Variants in ROCK1 observed in about 807,000 individuals in gnomAD.
The protein encoded by ROCK1 is Rho associated coiled-coil containing protein kinase 1.
ROCK1 carries 36 observed loss-of-function variants against 196.8 expected under a neutral mutation model. The ratio of observed to expected loss-of-function variants is 0.18; its 90% confidence interval spans 0.14 to 0.24. The LOEUF (loss-of-function observed/expected upper bound fraction) is 0.24. Among genes scored for constraint, ROCK1 ranks in the 10% least tolerant of loss-of-function variants. The probability of loss-of-function intolerance (pLI) is 1.00; values close to 1 mark genes in which losing one functional copy is unlikely to be tolerated. For missense variants in ROCK1, 920 were observed against 1,562.0 expected (o/e 0.59, Z 6.93); for synonymous variants, 443 against 515.9 (o/e 0.86, Z 1.91).
At chr18:21,009,320 GT>G (rs1254074734) in intron 13 of ROCK1, among the ~76,000 whole-genome samples, 451 of 140,718 alleles carry the variant, frequency 3.2e-3, no homozygotes, top group East Asian at 3.1e-3. Flanking sequence ...GCCAAGACAG[GT>G]TTTTTTTTTT....
intron 2 of ROCK1, among the ~76,000 whole-genome samples, chr18:21,065,660 A>G (rs1032052326): frequency 6.6e-6 from 1 of 152,176 alleles, no homozygotes; most frequent in Non-Finnish European, 1.5e-5. Context: ...AACTCCCACA[A>G]CAATCGCTTA....
chr18:21,027,127 C>A lies in ROCK1; in HGVS notation c.1211+1649G>T, dbSNP rs193069202. 1.4e-3 allele frequency among the ~76,000 whole-genome samples: 212 copies of A among 152,046 alleles called. 1 individual carries two copies. Among genetic ancestry groups the A allele is most frequent in the Non-Finnish European group, 3.8e-4 (26 of 67,966 alleles). ...CTAATTTTTGTATTTTTAGTAGAGA[C>A]GGGGTTTCACCACATTGGCCAGGCT... On this transcript the variant is annotated intron_variant, in intron 10 of 32. Coordinates refer to ENST00000399799, the MANE Select transcript of ROCK1 (RefSeq NM_005406.3).
intron 1 of ROCK1, among the ~76,000 whole-genome samples, chr18:21,088,250 T>G (rs1409111895): frequency 1.3e-5 from 2 of 152,188 alleles, no homozygotes; most frequent in African/African-American, 2.4e-5. Flanking sequence ...TCCTAATACT[T>G]TGGGAGGCTG....
chr18:21,007,930 C>T (rs2143440136), intron 14 of ROCK1, 129 bp downstream of exon 14: 1 of 426,934 alleles, frequency 2.3e-6, no homozygotes, highest in Non-Finnish European at 3.9e-6. Context: ...TAACCTGAGA[C>T]CTGGGTTATT....
chr18:21,044,032 C>T, intron 6 of ROCK1, 70 bp downstream of exon 6: 1 of 933,314 alleles, frequency 1.1e-6, no homozygotes, highest in Non-Finnish European at 1.7e-6. Flanking sequence ...CTAAAGAATT[C>T]TTAAACCATT....
At position 20,951,037 on chromosome 18, in the gene ROCK1, C is replaced by T. The variant is rs1471493007; in HGVS notation, c.*347G>A. The T allele has an allele frequency of 4.9e-6, 1 of 206,088 alleles. No individual in the cohort carries two copies. The highest frequency in any genetic ancestry group is 2.3e-5 in the African/African-American group (1 of 43,526). 12.8% of individuals were successfully genotyped at this position (206,088 alleles called of 1,614,324 possible). A position where few individuals can be genotyped will look rare whatever the true frequency, so the allele number is the denominator to read the frequency against. ...CTGTTCCACTTGAAAGTGAAAGTCC[C>T]TTCCTCTTACTCATATGAGGAAAAC... On this transcript the variant is annotated 3_prime_UTR_variant, in exon 33 of 33. Coordinates refer to ENST00000399799, the MANE Select transcript of ROCK1 (RefSeq NM_005406.3).
At chr18:21,062,743 G>A (rs2036302396) in intron 2 of ROCK1, among the ~76,000 whole-genome samples, 2 of 152,092 alleles carry the variant, frequency 1.3e-5, no homozygotes, top group Non-Finnish European at 2.9e-5. Context: ...CACCAGTGAT[G>A]TGCCTAGATT....
chr18:20,962,758 A>T (rs995396376), intron 27 of ROCK1, among the ~76,000 whole-genome samples: 12 of 152,174 alleles, frequency 7.9e-5, no homozygotes, highest in African/African-American at 2.7e-4. Flanking sequence ...GGTGTCAAGA[A>T]TATGTGAAGG....
At chr18:21,010,427 G>A (rs1490987648) in intron 13 of ROCK1, among the ~76,000 whole-genome samples, 4 of 152,168 alleles carry the variant, frequency 2.6e-5, no homozygotes, top group East Asian at 1.9e-4. Context: ...TAAAGATAAA[G>A]AGCCATAACA....
chr18:21,065,605 C>T (rs1384589102), intron 2 of ROCK1, among the ~76,000 whole-genome samples: 1 of 152,092 alleles, frequency 6.6e-6, no homozygotes. Flanking sequence ...TCCCTTCATC[C>T]TCCCAATGTT....
At chr18:20,992,230 T>C (rs1427489030) in intron 17 of ROCK1, among the ~76,000 whole-genome samples, 2 of 152,222 alleles carry the variant, frequency 1.3e-5, no homozygotes, top group East Asian at 3.9e-4. Flanking sequence ...AAGGACAAGA[T>C]AAGTAGTGGC....
At chr18:21,079,882 T>C (rs2036468374) in intron 1 of ROCK1, among the ~76,000 whole-genome samples, 1 of 152,152 alleles carries the variant, frequency 6.6e-6, no homozygotes, top group African/African-American at 2.4e-5. Flanking sequence ...CCAGGCCAGG[T>C]TTACGAAGAG....
intron 9 of ROCK1, among the ~76,000 whole-genome samples, chr18:21,035,252 T>TA (rs2036046725): frequency 6.6e-6 from 1 of 152,176 alleles, no homozygotes; most frequent in Non-Finnish European, 1.5e-5. Context: ...TCAAAAAAAT[T>TA]AAACATATGG....
intron 2 of ROCK1, among the ~76,000 whole-genome samples, chr18:21,053,205 C>T (rs2036218351): frequency 6.6e-6 from 1 of 152,184 alleles, no homozygotes; most frequent in South Asian, 2.1e-4. Context: ...TGCAATCACA[C>T]ACCATCAGTG....
At chr18:21,030,126 G>A (rs923248421) in intron 9 of ROCK1, among the ~76,000 whole-genome samples, 1 of 152,106 alleles carries the variant, frequency 6.6e-6, no homozygotes, top group African/African-American at 2.4e-5. Context: ...TTCCTTAATG[G>A]CCAACAGAAC....
rs149936278 is a variant in ROCK1 at position 21,099,012 on chromosome 18, G to A, written c.93+11806C>T. On this transcript the variant is annotated intron_variant, in intron 1 of 32. Transcript: ENST00000399799. ...ATGTAAAATAGCACAACTCTTAGGAGAGGGAGAATATTTTAACAGTGAGCA... is the reference window on the plus strand; with the variant it reads ...ATGTAAAATAGCACAACTCTTAGGAAAGGGAGAATATTTTAACAGTGAGCA... 6.4e-3 allele frequency among the ~76,000 whole-genome samples: 972 copies of A among 152,282 alleles called. 8 individuals are homozygous for A. Among genetic ancestry groups the A allele is most frequent in the Middle Eastern group, 0.01 (3 of 294 alleles).
chr18:20,992,310 G>A (rs1383672569), intron 17 of ROCK1, among the ~76,000 whole-genome samples: 1 of 152,190 alleles, frequency 6.6e-6, no homozygotes, highest in African/African-American at 2.4e-5. Flanking sequence ...AGTGACAGCT[G>A]TATCTCTATA....
At chr18:21,081,300 T>C (rs2036480939) in intron 1 of ROCK1, among the ~76,000 whole-genome samples, 1 of 151,954 alleles carries the variant, frequency 6.6e-6, no homozygotes, top group Admixed American at 6.6e-5. Context: ...AATTAGAAAA[T>C]ACTTTGAGAC....
chr18:21,019,998 A>T (rs1300029182), intron 12 of ROCK1, among the ~76,000 whole-genome samples, 153 bp downstream of exon 12: 1 of 152,094 alleles, frequency 6.6e-6, no homozygotes, highest in African/African-American at 2.4e-5. Flanking sequence ...CAACTTCTCA[A>T]TTCTAGCCGA....
Sources: gnomAD v4.1 joint callset for allele counts (sites outside exome capture counted in the v4.1 genomes callset) on GRCh38, gnomAD v4.1.1 for gene constraint, MANE v1.5 for transcripts, NCBI Gene and HGNC (gene_info 2026-07-23, HGNC 2026-07-21) for gene names.